The following FGF13 variants were observed in gnomAD, a reference collection of about 807,000 sequenced individuals.
The protein encoded by FGF13 is fibroblast growth factor homologous factor 2.
A neutral mutation model predicts 19.5 loss-of-function variants in FGF13; 2 were observed. That is an observed-to-expected ratio of 0.10 (90% CI 0.04 to 0.32). The LOEUF (loss-of-function observed/expected upper bound fraction) is 0.32, where lower values mean the gene tolerates loss of function less well. Among genes scored for constraint, FGF13 ranks in the 10% least tolerant of loss-of-function variants. The probability of loss-of-function intolerance (pLI) is 1.00; values close to 1 mark genes in which losing one functional copy is unlikely to be tolerated. For missense variants in FGF13, 113 were observed against 192.7 expected, an observed-to-expected ratio of 0.59 and a Z score of 2.45; for synonymous variants, 72 against 76.9, an observed-to-expected ratio of 0.94 and a Z score of 0.33.
chrX:138,841,015 T>G (rs2091146711), intron 3 of FGF13, among the ~76,000 whole-genome samples: 1 of 111,236 alleles, frequency 9.0e-6, no homozygotes, highest in African/African-American at 3.3e-5. Context: ...TGGCAGGTCT[T>G]GAGAGTCTCC....
chrX:138,736,864 ATTAC>A (rs2090279275), intron 1 of FGF13, among the ~76,000 whole-genome samples: 1 of 110,412 alleles, frequency 9.1e-6, no homozygotes, highest in South Asian at 4.0e-4. Context: ...AAAACTCATA[ATTAC>A]TTAGAAAAGA....
At chrX:138,825,208 T>C (rs2091025958) in intron 3 of FGF13, among the ~76,000 whole-genome samples, 1 of 111,725 alleles carries the variant, frequency 9.0e-6, no homozygotes, top group Non-Finnish European at 1.9e-5. Context: ...TTAAAGAGCA[T>C]TGTCTTTGGA....
chrX:138,949,136 TGAA>T (rs1396235960), intron 1 of FGF13, among the ~76,000 whole-genome samples: 1 of 111,756 alleles, frequency 8.9e-6, no homozygotes, highest in East Asian at 2.8e-4. Flanking sequence ...TACATCTAGT[TGAA>T]GAAATCTGGA....
At chrX:138,723,042 A>T (rs1301657142) in intron 1 of FGF13, among the ~76,000 whole-genome samples, 1 of 111,829 alleles carries the variant, frequency 8.9e-6, no homozygotes, top group Non-Finnish European at 1.9e-5. Context: ...CGACGAGATT[A>T]AAAATTTTGC....
chrX:138,999,110 A>G, intron 1 of FGF13, among the ~76,000 whole-genome samples: 1 of 112,333 alleles, frequency 8.9e-6, no homozygotes, highest in Non-Finnish European at 1.9e-5. Flanking sequence ...AAATGAAGAC[A>G]GAAGTAAAGA....
At chrX:138,829,069 A>C (rs2091053878) in intron 3 of FGF13, among the ~76,000 whole-genome samples, 1 of 111,834 alleles carries the variant, frequency 8.9e-6, no homozygotes, top group Admixed American at 9.5e-5. Flanking sequence ...TAAATGAACT[A>C]ATGCTGTTAT....
intron 1 of FGF13, among the ~76,000 whole-genome samples, chrX:138,888,780 A>G (rs56764740): frequency 0.041 from 4,525 of 111,340 alleles, 235 homozygotes; most frequent in African/African-American, 0.14. Context: ...CTGAATCTCT[A>G]CAACCTTCCT....
At position 138,620,615 on chromosome X, in the gene FGF13, C is replaced by A. The variant is rs1427276967; in HGVS notation, c.*12235G>T. On this transcript the variant is annotated 3_prime_UTR_variant, in exon 5 of 5. Transcript: ENST00000315930. ...AGCTGAAAAACATTTAACAAAGTAGCAATAGTATGTCTTTACCTATAAATA... is the reference window on the plus strand; with the variant it reads ...AGCTGAAAAACATTTAACAAAGTAGAAATAGTATGTCTTTACCTATAAATA... The A allele has an allele frequency of 9.0e-6, 1 of 110,995 alleles. No individual in the cohort carries two copies. The highest frequency in any genetic ancestry group is 1.9e-5 in the Non-Finnish European group (1 of 52,923). The allele number at this position is 110,995 out of a possible 1,213,427, so 9.1% of individuals were successfully genotyped here.
At chrX:139,029,243 C>T (rs1052134120) in intron 1 of FGF13, among the ~76,000 whole-genome samples, 28 of 111,865 alleles carry the variant, frequency 2.5e-4, no homozygotes, top group African/African-American at 9.1e-4. Context: ...TTCCTGCATT[C>T]AGCAAGCCGT....
At position 138,630,758 on chromosome X, in the gene FGF13, C is replaced by T. The variant is rs1478835757; in HGVS notation, c.*2092G>A. On this transcript the variant is annotated 3_prime_UTR_variant, in exon 5 of 5. Transcript: ENST00000315930. ...GTTTTATGTATTTCACAATTCTTCC[C>T]TCCATATACAGATGATCCTTCACTT... 1 of 111,656 alleles carries T rather than the reference C, an allele frequency of 9.0e-6. No homozygotes were observed. The highest frequency in any genetic ancestry group is 3.3e-5 in the African/African-American group (1 of 30,725). The allele number at this position is 111,656 out of a possible 1,213,427, so 9.2% of individuals were successfully genotyped here.
chrX:138,706,835 G>T (rs1227891807), intron 2 of FGF13, among the ~76,000 whole-genome samples: 1 of 111,912 alleles, frequency 8.9e-6, no homozygotes, highest in African/African-American at 3.2e-5. Context: ...ACTAGCTTCT[G>T]GTCACTCTTA....
intron 1 of FGF13, among the ~76,000 whole-genome samples, chrX:138,997,413 C>T (rs771746415): frequency 3.4e-5 from 2 of 59,154 alleles, no homozygotes; most frequent in African/African-American, 6.3e-5. Flanking sequence ...TCTAACCCAA[C>T]GCAAGGAAGC....
At position 138,984,593 on chromosome X, in the gene FGF13, G is replaced by A. The variant is rs1337719057; in HGVS notation, c.-112-119943C>T. ...AGAAGAAGAAGAAGAAGAAGAAGGAGGAGGAGGAGGAGGAGGAGGAGGATG... is the reference window on the plus strand; with the variant it reads ...AGAAGAAGAAGAAGAAGAAGAAGGAAGAGGAGGAGGAGGAGGAGGAGGATG... On this transcript the variant is annotated intron_variant, in intron 1 of 2. Transcript: ENST00000421460. Among the ~76,000 whole-genome samples the A allele has an allele frequency of 6.9e-4, 26 of 37,829 alleles. 1 individual carries two copies. The highest frequency in any genetic ancestry group is 2.4e-3 in the African/African-American group (26 of 10,709). 32.8% of individuals were successfully genotyped at this position (37,829 alleles called of 115,157 possible).
chrX:139,152,100 T>C (rs1443951811), intron 1 of FGF13, among the ~76,000 whole-genome samples: 1 of 111,212 alleles, frequency 9.0e-6, no homozygotes, highest in Non-Finnish European at 1.9e-5. Context: ...TAACAGAGAC[T>C]GGGTAACAGG....
chrX:139,088,513 G>A (rs772038589), intron 1 of FGF13, among the ~76,000 whole-genome samples: 3 of 103,742 alleles, frequency 2.9e-5, no homozygotes, highest in Non-Finnish European at 5.9e-5. Flanking sequence ...GTCAGCTACA[G>A]TTGGATTCAC....
rs1448062037 is a variant in FGF13 at position 138,711,691 on chromosome X, C to T, written c.-688G>A. ...AGTCGCAGCACAGGAATTCAGCCGC[C>T]GCAGGCACCCTCCGGAACAGCGCGA... On this transcript the variant is annotated 5_prime_UTR_variant, in exon 1 of 5. Transcript: ENST00000315930. 5.3e-6 allele frequency: 4 copies of T among 752,748 alleles called. No homozygotes were observed. Among genetic ancestry groups the T allele is most frequent in the African/African-American group, 2.3e-5 (1 of 43,371 alleles). The allele number at this position is 752,748 out of a possible 1,213,427, so 62.0% of individuals were successfully genotyped here.
intron 1 of FGF13, chrX:138,716,735 T>C (rs1327189458): frequency 2.7e-5 from 3 of 112,367 alleles, no homozygotes; most frequent in African/African-American, 9.7e-5. Context: ...CTGACACATA[T>C]ATTAGCTGGC....
chrX:139,012,362 G>A (rs1185034732), intron 1 of FGF13, among the ~76,000 whole-genome samples: 1 of 110,635 alleles, frequency 9.0e-6, no homozygotes, highest in South Asian at 3.8e-4. Context: ...AATTCAGATG[G>A]GACCAAAAAA....
At chrX:139,149,129 T>A (rs770721193) in intron 1 of FGF13, among the ~76,000 whole-genome samples, 78 of 111,931 alleles carry the variant, frequency 7.0e-4, no homozygotes, top group Non-Finnish European at 1.3e-3. Flanking sequence ...CCCTATTATT[T>A]CCCTTGAGAA....
Sources: gnomAD v4.1 joint callset for allele counts (sites outside exome capture counted in the v4.1 genomes callset) on GRCh38, gnomAD v4.1.1 for gene constraint, MANE v1.5 for transcripts, NCBI Gene and HGNC (gene_info 2026-07-23, HGNC 2026-07-21) for gene names.